The following ACYP2 variants were observed in gnomAD, a reference collection of about 807,000 sequenced individuals.
ACYP2 encodes the protein acylphosphatase 2, also known as acylphosphatase-2.
In ACYP2, 12 loss-of-function variants were observed where a neutral mutation model predicts 11.2. The observed-to-expected ratio is 1.08, with a 90% CI of 0.69 to 1.74. The LOEUF is 1.74. ACYP2 is among the 40% of genes most tolerant of loss of function. The probability of loss-of-function intolerance (pLI) is 0.00; values close to 1 mark genes in which losing one functional copy is unlikely to be tolerated. For synonymous variants in ACYP2, 43 were observed against 32.2 expected, an observed-to-expected ratio of 1.33 and a Z score of -1.13; for missense variants, 134 against 101.9, an observed-to-expected ratio of 1.31 and a Z score of -1.35.
At chr2:54,118,688 T>C (rs1679959897) in intron 4 of ACYP2, among the ~76,000 whole-genome samples, 1 of 152,186 alleles carries the variant, frequency 6.6e-6, no homozygotes. Flanking sequence ...GCAGTAAAAA[T>C]ATGGAAAAGA....
intron 2 of ACYP2, among the ~76,000 whole-genome samples, chr2:54,005,012 G>A (rs904258963): frequency 2.0e-5 from 3 of 151,674 alleles, no homozygotes; most frequent in Non-Finnish European, 2.9e-5. Flanking sequence ...TCTCCAGTGT[G>A]TGGCTTGTCT....
At chr2:54,046,729 GCT>G (rs1675544963) in intron 2 of ACYP2, among the ~76,000 whole-genome samples, 1 of 152,114 alleles carries the variant, frequency 6.6e-6, no homozygotes, top group Non-Finnish European at 1.5e-5. Flanking sequence ...GCTTAGAAGG[GCT>G]TGCACCCGTT....
At chr2:54,138,591 C>G (rs755858440) in intron 5 of ACYP2, 48 bp from the exon 3 acceptor site, 6 of 1,472,018 alleles carry the variant, frequency 4.1e-6, no homozygotes, top group Admixed American at 1.9e-5. Flanking sequence ...GTTATGAACT[C>G]AGACTTTTGA....
At chr2:54,160,609 G>A (rs536516632) in intron 6 of ACYP2, among the ~76,000 whole-genome samples, 1 of 152,348 alleles carries the variant, frequency 6.6e-6, no homozygotes, top group East Asian at 1.9e-4. Context: ...GTGGAATAAG[G>A]ACCTTTCAGG....
intron 2 of ACYP2, among the ~76,000 whole-genome samples, chr2:53,992,660 G>A (rs550983173): frequency 4.6e-5 from 7 of 151,882 alleles, no homozygotes; most frequent in Middle Eastern, 3.4e-3. Flanking sequence ...GTGAAACCCC[G>A]TCTCTACTAA....
Position 53,973,781 on chromosome 2 carries a change from C to A in ACYP2, c.33C>A (p.Leu11=), listed in dbSNP as rs574485736. The change falls in exon 2 of 7, where the codon CTC becomes CTA. Residue 11 remains leucine, a synonymous_variant. Transcript: ENST00000607452. ...TCACACAAAGCCTGTTTGGTGGTCTCTTCCCACGGACGCGCGAGACAATGA... is the reference window on the plus strand; with the variant it reads ...TCACACAAAGCCTGTTTGGTGGTCTATTCCCACGGACGCGCGAGACAATGA... The A allele has an allele frequency of 7.2e-5, 25 of 348,622 alleles. No individual in the cohort carries two copies. The South Asian group carries it at 3.4e-3, about 47-fold the overall frequency. The allele number at this position is 348,622 out of a possible 1,614,324, so 21.6% of individuals were successfully genotyped here. A position where few individuals can be genotyped will look rare whatever the true frequency, so the allele number is the denominator to read the frequency against.
At chr2:54,115,593 G>T (rs370559800) in intron 4 of ACYP2, 22 bp from the exon 1 acceptor site, 38 of 1,544,628 alleles carry the variant, frequency 2.5e-5, no homozygotes, top group Non-Finnish European at 3.1e-5. Context: ...GGTGACAGGC[G>T]CGGGGTGCGC....
intron 2 of ACYP2, among the ~76,000 whole-genome samples, chr2:53,991,043 G>T (rs1354144462): frequency 1.3e-5 from 2 of 152,134 alleles, no homozygotes; most frequent in South Asian, 4.1e-4. Context: ...TGATCCGCCC[G>T]CCTGGGACTC....
intron 2 of ACYP2, among the ~76,000 whole-genome samples, chr2:53,990,970 A>G (rs1230803848): frequency 1.3e-5 from 2 of 151,840 alleles, no homozygotes; most frequent in Non-Finnish European, 2.9e-5. Flanking sequence ...CTAATTTTTT[A>G]TATTTTCAGT....
At chr2:54,013,742 AAGAG>A (rs1224407285) in intron 2 of ACYP2, among the ~76,000 whole-genome samples, 2 of 94,408 alleles carry the variant, frequency 2.1e-5, no homozygotes, top group African/African-American at 1.1e-4. Context: ...AAAAAAAAAA[AAGAG>A]AGAGAGAGGT....
chr2:54,179,007 C>A (rs1021074998), intron 6 of ACYP2, among the ~76,000 whole-genome samples: 1 of 152,116 alleles, frequency 6.6e-6, no homozygotes, highest in Non-Finnish European at 1.5e-5. Flanking sequence ...CCAGCAGATT[C>A]AGTGTCTGGT....
chr2:54,203,697 A>C (rs1684950077), intron 6 of ACYP2, among the ~76,000 whole-genome samples: 1 of 152,124 alleles, frequency 6.6e-6, no homozygotes, highest in African/African-American at 2.4e-5. Flanking sequence ...CTTTTTCTGC[A>C]TCTGTTAAAT....
intron 4 of ACYP2, among the ~76,000 whole-genome samples, chr2:54,061,395 C>T (rs948633310): frequency 1.3e-5 from 2 of 152,214 alleles, no homozygotes; most frequent in African/African-American, 4.8e-5. Flanking sequence ...CATCAGCCCT[C>T]TGACCACAGA....
intron 6 of ACYP2, among the ~76,000 whole-genome samples, chr2:54,167,935 T>C (rs953722800): frequency 1.4e-4 from 22 of 152,184 alleles, no homozygotes; most frequent in Non-Finnish European, 2.8e-4. Flanking sequence ...CCACATAATA[T>C]GAAAGACAGA....
rs548514241 is a variant in ACYP2 at position 54,122,768 on chromosome 2, A to G, written c.278-12685A>G. 3.3e-5 allele frequency among the ~76,000 whole-genome samples: 5 copies of G among 152,346 alleles called. No individual in the cohort carries two copies. The South Asian group carries it at 1.0e-3, about 32-fold the overall frequency. On this transcript the variant is annotated intron_variant, in intron 4 of 6. Transcript: ENST00000607452. ...ATTCCTGCATGGTTCAGTGCCTTGC[A>G]GAGTTAATGGGCTAGAAGTCTTGAG...
chr2:54,102,227 T>A (rs985184398), intron 4 of ACYP2, among the ~76,000 whole-genome samples: 5 of 152,214 alleles, frequency 3.3e-5, no homozygotes, highest in Non-Finnish European at 5.9e-5. Context: ...CTATTTTTAA[T>A]GTTAGGAAAA....
intron 4 of ACYP2, among the ~76,000 whole-genome samples, chr2:54,074,613 TGTG>T (rs1341292083): frequency 7.1e-6 from 1 of 140,412 alleles, no homozygotes; most frequent in Non-Finnish European, 1.6e-5. Flanking sequence ...TGTGTGTGTG[TGTG>T]TGTGTAACTG....
intron 6 of ACYP2, among the ~76,000 whole-genome samples, chr2:54,297,789 C>T (rs1169012992): frequency 6.6e-6 from 1 of 152,052 alleles, no homozygotes; most frequent in Non-Finnish European, 1.5e-5. Flanking sequence ...AAGAAATATA[C>T]AGGACCTGAA....
chr2:54,230,447 C>A (rs1292419185), intron 6 of ACYP2, among the ~76,000 whole-genome samples: 1 of 152,172 alleles, frequency 6.6e-6, no homozygotes, highest in Non-Finnish European at 1.5e-5. Flanking sequence ...GCCTCCGCCT[C>A]TTGGGTTCAA....
Sources: gnomAD v4.1 joint callset for allele counts (sites outside exome capture counted in the v4.1 genomes callset) on GRCh38, gnomAD v4.1.1 for gene constraint, MANE v1.5 for transcripts, NCBI Gene and HGNC (gene_info 2026-07-23, HGNC 2026-07-21) for gene names.